MACF1: variants seen among roughly 807,000 people sequenced by gnomAD.
MACF1 encodes the protein microtubule-actin cross-linking factor 1.
MACF1 carries 193 observed loss-of-function variants against 854.8 expected under a neutral mutation model. That is an observed-to-expected ratio of 0.23 (90% confidence interval 0.20 to 0.25). The LOEUF (loss-of-function observed/expected upper bound fraction) is 0.25. Among genes scored for constraint, MACF1 ranks in the 10% least tolerant of loss-of-function variants. The pLI, the probability that MACF1 is intolerant of heterozygous loss-of-function variation, is 1.00. For synonymous variants in MACF1, 3,185 were observed against 3,226.7 expected (o/e 0.99, Z 0.44); for missense variants, 7,722 against 8,929.1 (o/e 0.86, Z 5.45).
intron 64 of MACF1, 33 bp downstream of exon 64, chr1:39,429,359 A>G: frequency 2.4e-6 from 3 of 1,225,640 alleles, no homozygotes; most frequent in East Asian, 2.3e-5. Context: ...TAGCACCCCT[A>G]TGGTCTCAAA....
chr1:39,195,571 AGGGAGAAGTTTACTTCTCACT>A (rs1644308906), intron 2 of MACF1, among the ~76,000 whole-genome samples: 1 of 152,196 alleles, frequency 6.6e-6, no homozygotes, highest in Non-Finnish European at 1.5e-5. Context: ...AGCTCAAGGG[AGGGAGAAGTTTACTTCTCACT>A]GGGATGGAGG....
At chr1:39,263,764 C>CTT (rs1474395422) in intron 6 of MACF1, among the ~76,000 whole-genome samples, 3 of 96,010 alleles carry the variant, frequency 3.1e-5, no homozygotes, top group African/African-American at 8.0e-5. Context: ...CATCTTTTTT[C>CTT]TTTTTTCTTT....
chr1:39,369,325 C>T (rs963761928), intron 50 of MACF1, among the ~76,000 whole-genome samples: 13 of 151,976 alleles, frequency 8.6e-5, no homozygotes, highest in African/African-American at 2.4e-4. Context: ...CTAAGTTTAG[C>T]GATAAATATG....
intron 2 of MACF1, among the ~76,000 whole-genome samples, chr1:39,194,041 C>G (rs1295630204): frequency 2.6e-5 from 4 of 152,120 alleles, no homozygotes; most frequent in Non-Finnish European, 5.9e-5. Context: ...CCATATTGGT[C>G]AGGCTGGTCT....
At chr1:39,432,462 G>C (rs1643890894) in intron 66 of MACF1, 73 bp from the exon 67 acceptor site, 2 of 1,416,246 alleles carry the variant, frequency 1.4e-6, no homozygotes, top group Admixed American at 1.8e-5. Context: ...GCCTTGCTTT[G>C]TTGAATAAAT....
rs184111517 is a variant in MACF1 at position 39,474,160 on chromosome 1, G to A, written c.21958+4545G>A. On this transcript the variant is annotated intron_variant, in intron 97 of 100. Transcript: ENST00000564288. ...TCCCAGCACTTTGGGAGGCCGAGGCGGGCAGATCATGAGGTCAGGAGTTCA... is the reference window on the plus strand; with the variant it reads ...TCCCAGCACTTTGGGAGGCCGAGGCAGGCAGATCATGAGGTCAGGAGTTCA... Among the ~76,000 whole-genome samples, 928 of 152,204 alleles carry A rather than the reference G, an allele frequency of 6.1e-3. 13 individuals are homozygous for A. The Middle Eastern group carries it at 0.068, about 11-fold the overall frequency.
In MACF1 at chr1:39,412,221, C is replaced by T. The variant is rs1479736731; in HGVS notation, c.15817-10153C>T. The T allele has an allele frequency of 2.5e-6, 4 of 1,613,964 alleles. No individual in the cohort carries two copies. The South Asian group carries it at 4.4e-5, about 18-fold the overall frequency. The stretch of plus-strand genomic sequence containing the variant: ...AGGAGTGCATTGAGAGGGTCACCTT[C>T]AGTTTTGCTTTTAATCATGAACTAA... On this transcript the variant is annotated intron_variant, in intron 58 of 100. Coordinates refer to ENST00000564288, the MANE Select transcript of MACF1 (RefSeq NM_001394062.1).
chr1:39,300,664 C>T (rs74066735), intron 22 of MACF1, among the ~76,000 whole-genome samples: 4,834 of 152,164 alleles, frequency 0.032, 263 homozygotes, highest in African/African-American at 0.11. Context: ...CCCCTCTTAT[C>T]CTCCACAGCT....
At chr1:39,412,238 A>G (rs759477008) in intron 58 of MACF1, 2 of 1,613,886 alleles carry the variant, frequency 1.2e-6, no homozygotes, top group Non-Finnish European at 1.7e-6. Flanking sequence ...GCTTTTAATC[A>G]TGAACTAACA....
intron 79 of MACF1, among the ~76,000 whole-genome samples, chr1:39,444,394 C>A (rs1299915503): frequency 6.6e-6 from 1 of 151,892 alleles, no homozygotes; most frequent in Non-Finnish European, 1.5e-5. Context: ...TTTAATTTGC[C>A]ACTTGTTATT....
intron 2 of MACF1, among the ~76,000 whole-genome samples, chr1:39,233,384 T>C (rs1468350158): frequency 2.0e-5 from 3 of 152,194 alleles, no homozygotes; most frequent in Admixed American, 6.6e-5. Flanking sequence ...ATTTTACTTC[T>C]GTGTGCCTCC....
chr1:39,283,160 G>A lies in MACF1; in HGVS notation c.696-29G>A, dbSNP rs766778879. 28 of 1,446,672 alleles carry A rather than the reference G, an allele frequency of 1.9e-5. No individual in the cohort carries two copies. Among genetic ancestry groups the A allele is most frequent in the Admixed American group, 3.4e-5 (2 of 59,436 alleles). The allele number at this position is 1,446,672 out of a possible 1,614,324, so 89.6% of individuals were successfully genotyped here. On this transcript the variant is annotated intron_variant, in intron 7 of 100. Transcript: ENST00000564288. The surrounding 1 kb of genome is among the most constrained non-coding windows in gnomAD (Gnocchi z 4.5). ...TCATGTGTGATGTGTAGATGGTGGC[G>A]TTTCATGTGCCTTGCTGGACTTTTA... is the stretch of plus-strand genomic sequence containing the variant.
chr1:39,404,865 CTAA>C (rs1642632828), intron 58 of MACF1, among the ~76,000 whole-genome samples: 2 of 152,102 alleles, frequency 1.3e-5, no homozygotes, highest in Admixed American at 6.5e-5. Flanking sequence ...ATCTGAAATC[CTAA>C]TGAGTAAATG....
chr1:39,151,926 T>C (rs1021404240), intron 2 of MACF1, among the ~76,000 whole-genome samples: 38 of 152,172 alleles, frequency 2.5e-4, no homozygotes, highest in African/African-American at 8.9e-4. Flanking sequence ...GTGGCAGTAC[T>C]GGGATCAGGA....
chr1:39,144,359 G>A (rs547760857), intron 2 of MACF1, among the ~76,000 whole-genome samples: 16 of 152,188 alleles, frequency 1.1e-4, no homozygotes, highest in African/African-American at 3.9e-4. Context: ...GGGATTATAG[G>A]GGTAAGCCAC....
rs1557593294 is a variant in MACF1 at position 39,333,479 on chromosome 1, C to A, written c.6891C>A (p.Ile2297=). The A allele has an allele frequency of 6.2e-7, 1 of 1,614,116 alleles. No individual in the cohort carries two copies. The change falls in exon 37 of 101, where the codon ATC becomes ATA. Residue 2297 remains isoleucine (I), a synonymous_variant. Coordinates refer to ENST00000564288, the MANE Select transcript of MACF1 (RefSeq NM_001394062.1). ...CTGCACAGTTACTAGATGGTGGTAT[C>A]TTTCATGAACAAACAGGTCAAAAGC... is the stretch of plus-strand genomic sequence containing the variant. ...VLSAQLLDGG[I]FHEQTGQKLL...
chr1:39,347,759 TG>T (rs1257839435), intron 41 of MACF1, among the ~76,000 whole-genome samples: 10 of 152,222 alleles, frequency 6.6e-5, no homozygotes, highest in Admixed American at 2.6e-4. Flanking sequence ...ATTATTTTCT[TG>T]CACCTTTCCT....
Position 39,437,829 on chromosome 1 carries a change from G to T in MACF1, c.18041G>T (p.Arg6014Leu). Residue 6014 changes from arginine (R) to leucine (L), a missense_variant, in exon 71 of 101, where the codon CGC (arginine) becomes CTC (leucine). Around this residue, in one of 15 missense-constraint regions of MACF1, gnomAD observed 2,807 missense variants for 3,235.8 expected, o/e 0.87. Coordinates refer to ENST00000564288, the MANE Select transcript of MACF1 (RefSeq NM_001394062.1). ...MLETLENLSS[R>L]LRMPPLIPAE... Reference sequence around the variant, plus strand: ...GAGACACTGGAGAATCTTTCCTCTCGCCTGCGTATGCCACCACTGATCCCT... The same window carrying T: ...GAGACACTGGAGAATCTTTCCTCTCTCCTGCGTATGCCACCACTGATCCCT... The T allele has an allele frequency of 1.9e-6, 3 of 1,614,038 alleles. No homozygotes were observed. The highest frequency in any genetic ancestry group is 2.5e-6 in the Non-Finnish European group (3 of 1,179,998).
chr1:39,153,949 T>A (rs1212560841), intron 2 of MACF1, among the ~76,000 whole-genome samples: 1 of 152,220 alleles, frequency 6.6e-6, no homozygotes, highest in Non-Finnish European at 1.5e-5. Flanking sequence ...CTGCTTTTGT[T>A]ACTGGCTCCT....
Sources: allele counts gnomAD v4.1 joint callset (sites outside exome capture counted in the v4.1 genomes callset), GRCh38; gene constraint gnomAD v4.1.1; regional missense constraint gnomAD v4.1.1; non-coding constraint Gnocchi (gnomAD v3.1); transcripts MANE v1.5; gene names NCBI Gene and HGNC (gene_info 2026-07-23, HGNC 2026-07-21).